PPP2R1B: variants seen among roughly 807,000 people sequenced by gnomAD.
PPP2R1B encodes protein phosphatase 2 scaffold subunit Abeta.
In PPP2R1B, 58 loss-of-function variants were observed where a neutral mutation model predicts 72.7. The ratio of observed to expected loss-of-function variants is 0.80; its 90% CI spans 0.65 to 0.99. The LOEUF (loss-of-function observed/expected upper bound fraction) is 0.99. PPP2R1B is among the 50% of genes least tolerant of loss of function. PPP2R1B has a pLI of 0.00. For missense variants in PPP2R1B, 695 were observed against 733.6 expected (o/e 0.95, Z 0.61); for synonymous variants, 256 against 264.6 (o/e 0.97, Z 0.32).
chr11:111,703,570 T>C, the PPP2R1B span: 1 of 669,178 alleles, frequency 1.5e-6, no homozygotes, highest in Non-Finnish European at 2.5e-6. Flanking sequence ...TCAGACTCTA[T>C]TTATATTTGC....
In PPP2R1B at chr11:111,740,539, C is replaced by T. The variant is rs755819766; in HGVS notation, c.*1057G>A. The stretch of plus-strand genomic sequence containing the variant: ...AGGCTTCCTCACTATTAATTTGCTT[C>T]AGTAAACTCTTCAGCTTAACTCATT... On this transcript the variant is annotated 3_prime_UTR_variant, in exon 15 of 15. Coordinates refer to ENST00000527614, the MANE Select transcript of PPP2R1B (RefSeq NM_002716.5). 5.8e-5 allele frequency: 57 copies of T among 985,210 alleles called. No homozygotes were observed. The highest frequency in any genetic ancestry group is 6.7e-5 in the Non-Finnish European group (56 of 829,738). 61.0% of individuals were successfully genotyped at this position (985,210 alleles called of 1,614,324 possible).
chr11:111,747,991 C>A lies in PPP2R1B; in HGVS notation c.1362G>T (p.Lys454Asn). The A allele has an allele frequency of 1.2e-6, 2 of 1,613,384 alleles. No homozygotes were observed. Among genetic ancestry groups the A allele is most frequent in the Non-Finnish European group, 1.7e-6 (2 of 1,179,822 alleles). ...GQLGVEFFDE[K>N]LNSLCMAWLV... Reference sequence around the variant, plus strand: ...GCCAAGCCATACATAAAGAATTCAGCTTTTCATCAAAGAATTCCACACCCT... The same window carrying A: ...GCCAAGCCATACATAAAGAATTCAGATTTTCATCAAAGAATTCCACACCCT... Residue 454 changes from lysine (K) to asparagine (N), a missense_variant, in exon 11 of 15, where the codon AAG becomes AAT. Physicochemically the swap from Lys to Asn is moderately conservative, Grantham distance 94 (BLOSUM62 0). Transcript: ENST00000527614.
chr11:111,712,114 AATTG>A, the PPP2R1B span: 1 of 1,230,518 alleles, frequency 8.1e-7, no homozygotes, highest in South Asian at 1.4e-5. Flanking sequence ...TTCATTCTTT[AATTG>A]CCACAGGAAG....
chr11:111,758,554 C>T (rs1945210276), intron 5 of PPP2R1B, among the ~76,000 whole-genome samples: 1 of 152,050 alleles, frequency 6.6e-6, no homozygotes, highest in Non-Finnish European at 1.5e-5. Context: ...TGCACCACTG[C>T]ACTCCAGCCT....
chr11:111,736,332 A>G (rs1944340586), downstream of PPP2R1B, among the ~76,000 whole-genome samples: 1 of 152,232 alleles, frequency 6.6e-6, no homozygotes, highest in African/African-American at 2.4e-5. Context: ...ATCGGGTCAT[A>G]CCACGCATTC....
chr11:111,738,476 C>T lies in PPP2R1B; in HGVS notation c.*3120G>A. Reference sequence around the variant, plus strand: ...GAACAAAAGTGCACCAGGTTAACCGCCGGGTCAGGAAGGACAGGCTTGCTT... The same window carrying T: ...GAACAAAAGTGCACCAGGTTAACCGTCGGGTCAGGAAGGACAGGCTTGCTT... On this transcript the variant is annotated 3_prime_UTR_variant, in exon 15 of 15. Coordinates refer to ENST00000527614, the MANE Select transcript of PPP2R1B (RefSeq NM_002716.5). The T allele has an allele frequency of 1.0e-6, 1 of 985,434 alleles. No individual in the cohort carries two copies. The highest frequency in any genetic ancestry group is 1.7e-5 in the African/African-American group (1 of 57,342). The allele number at this position is 985,434 out of a possible 1,614,324, so 61.0% of individuals were successfully genotyped here.
chr11:111,726,522 T>C (rs1943972406), downstream of PPP2R1B: 1 of 159,256 alleles, frequency 6.3e-6, no homozygotes, highest in Non-Finnish European at 1.4e-5. Context: ...TATTTGCTTA[T>C]CTTGTTTATT....
chr11:111,721,084 C>G, the PPP2R1B span: 1 of 1,597,710 alleles, frequency 6.3e-7, no homozygotes, highest in East Asian at 2.2e-5. Flanking sequence ...GGGCCCTTCC[C>G]TCAATGGCTC....
At chr11:111,721,996 C>G (rs765666688), downstream of PPP2R1B, 5 of 1,376,844 alleles carry the variant, frequency 3.6e-6, no homozygotes, top group Admixed American at 4.8e-5. Flanking sequence ...ATCTGTTCTT[C>G]TGCAAAGCAG....
At position 111,740,520 on chromosome 11, in the gene PPP2R1B, CCTCA is replaced by C. The variant is rs1179950252; in HGVS notation, c.*1072_*1075del. ...CTGTTTAAGTAGTTCAAATAGGCTT[CCTCA>C]CTATTAATTTGCTTCAGTAAACTCT... On this transcript the variant is annotated 3_prime_UTR_variant, in exon 15 of 15. Coordinates refer to ENST00000527614, the MANE Select transcript of PPP2R1B (RefSeq NM_002716.5). 2 of 985,086 alleles carry C rather than the reference CCTCA, an allele frequency of 2.0e-6. No individual in the cohort carries two copies. The highest frequency in any genetic ancestry group is 3.5e-5 in the African/African-American group (2 of 57,194). 61.0% of individuals were successfully genotyped at this position (985,086 alleles called of 1,614,324 possible). A position where few individuals can be genotyped will look rare whatever the true frequency, so the allele number is the denominator to read the frequency against.
chr11:111,693,249 G>A, the PPP2R1B span, among the ~76,000 whole-genome samples: 3 of 151,728 alleles, frequency 2.0e-5, no homozygotes, highest in African/African-American at 7.3e-5. Flanking sequence ...GGAGAGAATC[G>A]CTTGAACCAG....
chr11:111,689,582 A>G, the PPP2R1B span, among the ~76,000 whole-genome samples: 86 of 152,300 alleles, frequency 5.6e-4, no homozygotes, highest in Non-Finnish European at 5.9e-5. Context: ...GTTTTGTTCT[A>G]AGATTGTTAA....
At chr11:111,742,738 T>C in intron 12 of PPP2R1B, 73 bp from the exon 13 acceptor site, 1 of 1,346,172 alleles carries the variant, frequency 7.4e-7, no homozygotes, top group Non-Finnish European at 9.8e-7. Context: ...CAAATTAATA[T>C]TTAATAAGAA....
At chr11:111,734,674 G>A (rs1944289589), downstream of PPP2R1B, among the ~76,000 whole-genome samples, 1 of 152,246 alleles carries the variant, frequency 6.6e-6, no homozygotes, top group African/African-American at 2.4e-5. Context: ...TTTGGTCTTT[G>A]TCATCAGTCC....
intron 14 of PPP2R1B, 138 bp downstream of exon 14, chr11:111,741,904 TCAGAGAGACAC>T: frequency 1.2e-6 from 1 of 828,468 alleles, no homozygotes; most frequent in Non-Finnish European, 2.1e-6. Context: ...AGGGTTCTAA[TCAGAGAGACAC>T]CAGCATTCCA....
chr11:111,706,161 T>C, the PPP2R1B span, among the ~76,000 whole-genome samples: 1 of 152,232 alleles, frequency 6.6e-6, no homozygotes, highest in East Asian at 1.9e-4. Flanking sequence ...GACAATTAAA[T>C]TAGTTAATAT....
At chr11:111,697,615 C>T in the PPP2R1B span, among the ~76,000 whole-genome samples, 1 of 152,086 alleles carries the variant, frequency 6.6e-6, no homozygotes, top group African/African-American at 2.4e-5. Context: ...TCCAAGATTG[C>T]ATAGCTAATA....
the PPP2R1B span, among the ~76,000 whole-genome samples, chr11:111,707,259 G>A: frequency 6.6e-6 from 1 of 152,234 alleles, no homozygotes; most frequent in Non-Finnish European, 1.5e-5. Flanking sequence ...AAGTGAGGGA[G>A]TGGTGAGGGG....
the PPP2R1B span, chr11:111,720,387 C>T: frequency 7.9e-7 from 1 of 1,271,672 alleles, no homozygotes; most frequent in African/African-American, 1.5e-5. Flanking sequence ...GACATGGTAG[C>T]TGTCAAAACT....
Sources: allele counts gnomAD v4.1 joint callset (sites outside exome capture counted in the v4.1 genomes callset), GRCh38; gene constraint gnomAD v4.1.1; transcripts MANE v1.5; gene names NCBI Gene and HGNC (gene_info 2026-07-23, HGNC 2026-07-21).